FRMD4A: variants seen among roughly 807,000 people sequenced by gnomAD.
FRMD4A encodes the protein FERM domain containing 4A.
A neutral mutation model predicts 129.1 loss-of-function variants in FRMD4A; 29 were observed. The ratio of observed to expected loss-of-function variants is 0.22; its 90% confidence interval spans 0.17 to 0.31. The LOEUF (loss-of-function observed/expected upper bound fraction) is 0.31. FRMD4A is among the 10% of genes least tolerant of loss of function. FRMD4A has a pLI of 1.00. For missense variants in FRMD4A, 1,272 were observed against 1,375.8 expected (o/e 0.92, Z 1.19); for synonymous variants, 634 against 571.6 (o/e 1.11, Z -1.56).
chr10:14,116,479 G>A (rs541584249), intron 2 of FRMD4A, among the ~76,000 whole-genome samples: 3 of 152,206 alleles, frequency 2.0e-5, no homozygotes, highest in East Asian at 1.9e-4. Flanking sequence ...GAGAGTTACC[G>A]CCAACCTTTG....
intron 2 of FRMD4A, among the ~76,000 whole-genome samples, chr10:14,251,513 G>A (rs1844439828): frequency 6.6e-6 from 1 of 152,176 alleles, no homozygotes; most frequent in Admixed American, 6.5e-5. Context: ...GAAGTGTTTT[G>A]CTAAGCTGCA....
At chr10:14,210,979 G>C (rs1403339048) in intron 2 of FRMD4A, among the ~76,000 whole-genome samples, 2 of 151,966 alleles carry the variant, frequency 1.3e-5, no homozygotes, top group Non-Finnish European at 2.9e-5. Flanking sequence ...TGCCTGCCTT[G>C]GCTTCCCAAA....
intron 2 of FRMD4A, among the ~76,000 whole-genome samples, chr10:14,067,993 C>T (rs1338476529): frequency 6.6e-6 from 1 of 152,168 alleles, no homozygotes; most frequent in African/African-American, 2.4e-5. Context: ...ATAAGTCTTC[C>T]TCCACTCCAA....
At chr10:14,111,949 G>A (rs868691897) in intron 2 of FRMD4A, among the ~76,000 whole-genome samples, 1 of 140,136 alleles carries the variant, frequency 7.1e-6, no homozygotes, top group African/African-American at 2.7e-5. Context: ...GGAAGGAAGG[G>A]AGGGAGAGGA....
In FRMD4A at chr10:13,660,372, G is replaced by C; in HGVS notation, c.1842C>G (p.Ser614=). The C allele has an allele frequency of 6.2e-7, 1 of 1,614,132 alleles. No individual in the cohort carries two copies. The highest frequency in any genetic ancestry group is 8.5e-7 in the Non-Finnish European group (1 of 1,179,988). ...CCTTCTCATAGGGTTCATCTAAAGA[G>C]GACTCACTCCACATTTTGGGCTTGA... ...SPIKPKMWSE[S]SLDEPYEKVK... The change falls in exon 20 of 25, where the codon TCC becomes TCG. Residue 614 remains serine (S), a synonymous_variant. Coordinates refer to ENST00000357447, the MANE Select transcript of FRMD4A (RefSeq NM_018027.5).
intron 6 of FRMD4A, among the ~76,000 whole-genome samples, chr10:13,769,905 C>T (rs1259892154): frequency 6.6e-6 from 1 of 152,164 alleles, no homozygotes. Context: ...GGTCTTTGGA[C>T]TCAGCCAGTG....
At chr10:13,703,865 T>C (rs1461347341) in intron 13 of FRMD4A, among the ~76,000 whole-genome samples, 1 of 151,984 alleles carries the variant, frequency 6.6e-6, no homozygotes, top group African/African-American at 2.4e-5. Flanking sequence ...ATTAGCTGGG[T>C]GTAGTGGCGC....
chr10:14,148,588 C>T (rs991819106), intron 2 of FRMD4A, among the ~76,000 whole-genome samples: 1 of 152,026 alleles, frequency 6.6e-6, no homozygotes, highest in African/African-American at 2.4e-5. Flanking sequence ...ATGGTGAAAC[C>T]CTGTTTCTAC....
intron 2 of FRMD4A, among the ~76,000 whole-genome samples, chr10:14,089,640 C>CAAAAAAAAAAAAAAAAAAAAA (rs759243260): frequency 4.3e-5 from 3 of 70,262 alleles, no homozygotes; most frequent in African/African-American, 5.0e-5. Flanking sequence ...CAAAAAAAAA[C>CAAAAAAAAAAAAAAAAAAAAA]AAACAAAAAA....
chr10:13,946,964 T>TG (rs1207730171), intron 2 of FRMD4A, among the ~76,000 whole-genome samples: 1 of 152,084 alleles, frequency 6.6e-6, no homozygotes, highest in East Asian at 1.9e-4. Flanking sequence ...AGCGCTCATA[T>TG]GGGGAAGCTT....
intron 2 of FRMD4A, among the ~76,000 whole-genome samples, chr10:14,244,871 C>G (rs1167647222): frequency 2.0e-5 from 3 of 152,154 alleles, no homozygotes; most frequent in African/African-American, 7.2e-5. Flanking sequence ...TAAGATGCAC[C>G]ATGAGTCATT....
At position 14,185,552 on chromosome 10, in the gene FRMD4A, C is replaced by T. The variant is rs549544011; in HGVS notation, c.45+144506G>A. On this transcript the variant is annotated intron_variant, in intron 2 of 24. Coordinates refer to ENST00000357447, the MANE Select transcript of FRMD4A (RefSeq NM_018027.5). ...AACTATGGAAACTTGAAACATAAAG[C>T]AAGACTATTTAAAGGTTCAATCTCG... 2.2e-4 allele frequency among the ~76,000 whole-genome samples: 33 copies of T among 152,246 alleles called. 1 individual carries two copies. In the South Asian group the frequency reaches 3.7e-3, roughly 17 times the overall value.
intron 2 of FRMD4A, among the ~76,000 whole-genome samples, chr10:14,135,031 T>C (rs1356634489): frequency 2.0e-5 from 3 of 152,224 alleles, no homozygotes; most frequent in African/African-American, 7.2e-5. Flanking sequence ...GTTGCACATG[T>C]AACCTACAAT....
chr10:14,031,726 G>A (rs1356266525), intron 2 of FRMD4A, among the ~76,000 whole-genome samples: 7 of 152,120 alleles, frequency 4.6e-5, no homozygotes, highest in Non-Finnish European at 1.0e-4. Context: ...GCTATGTGAC[G>A]ACTACTACCA....
rs572233499 is a variant in FRMD4A at position 13,995,678 on chromosome 10, G to A, written c.46-136766C>T. Among the ~76,000 whole-genome samples, 30 of 152,316 alleles carry A rather than the reference G, an allele frequency of 2.0e-4. No individual in the cohort carries two copies. In the South Asian group the frequency reaches 5.0e-3, roughly 25 times the overall value. ...CCCCGAGAGTAATGTCAAATGGCAC[G>A]GCATGTGGCCTTGGGAGCTGAGGTT... On this transcript the variant is annotated intron_variant, in intron 2 of 24. Transcript: ENST00000357447.
intron 6 of FRMD4A, among the ~76,000 whole-genome samples, chr10:13,778,820 T>C (rs1425786486): frequency 6.6e-6 from 1 of 152,174 alleles, no homozygotes; most frequent in Non-Finnish European, 1.5e-5. Flanking sequence ...TGATCTCATC[T>C]TCATTCACTG....
intron 15 of FRMD4A, among the ~76,000 whole-genome samples, chr10:13,691,761 A>G (rs1176868127): frequency 6.6e-6 from 1 of 152,182 alleles, no homozygotes; most frequent in East Asian, 1.9e-4. Flanking sequence ...AGGTGGGCTG[A>G]TAGATGCAGC....
chr10:14,270,054 GT>G (rs1845110998), intron 2 of FRMD4A, among the ~76,000 whole-genome samples: 1 of 152,222 alleles, frequency 6.6e-6, no homozygotes, highest in African/African-American at 2.4e-5. Flanking sequence ...AGGACTCCAG[GT>G]TTCCTGGCTT....
chr10:14,194,586 G>A (rs1212032139), intron 2 of FRMD4A, among the ~76,000 whole-genome samples: 1 of 152,102 alleles, frequency 6.6e-6, no homozygotes, highest in Non-Finnish European at 1.5e-5. Context: ...ACTCTCGCCT[G>A]GGCGACACAG....
Sources: gnomAD v4.1 joint callset for allele counts (sites outside exome capture counted in the v4.1 genomes callset) on GRCh38, gnomAD v4.1.1 for gene constraint, MANE v1.5 for transcripts, NCBI Gene and HGNC (gene_info 2026-07-23, HGNC 2026-07-21) for gene names.